Variants in GLCCI1 observed in about 807,000 individuals in gnomAD.
GLCCI1 encodes glucocorticoid-induced transcript 1 protein.
In GLCCI1, 24 loss-of-function variants were observed where a neutral mutation model predicts 52.2. That is an observed-to-expected ratio of 0.46 (90% CI 0.33 to 0.65). The LOEUF (loss-of-function observed/expected upper bound fraction) is 0.65, where lower values mean the gene tolerates loss of function less well. Among genes scored for constraint, GLCCI1 ranks in the 30% least tolerant of loss-of-function variants. GLCCI1 has a pLI of 0.02. For missense variants in GLCCI1, 704 were observed against 701.5 expected, an observed-to-expected ratio of 1.00 and a Z score of -0.04; for synonymous variants, 310 against 276.5, an observed-to-expected ratio of 1.12 and a Z score of -1.20.
chr7:8,017,007 A>G lies in GLCCI1; in HGVS notation c.610-5476A>G, dbSNP rs114931777. 5.9e-3 allele frequency among the ~76,000 whole-genome samples: 903 copies of G among 152,296 alleles called. 5 individuals are homozygous for G. Among genetic ancestry groups the G allele is most frequent in the African/African-American group, 0.021 (852 of 41,558 alleles). On this transcript the variant is annotated intron_variant, in intron 2 of 7. Transcript: ENST00000223145. ...TGAGGGCTGTGAAATTCAATAAACAATTTCTGGTAGGTCAGGATTCATTCA... is the reference window on the plus strand; with the variant it reads ...TGAGGGCTGTGAAATTCAATAAACAGTTTCTGGTAGGTCAGGATTCATTCA...
chr7:8,071,019 G>A lies in GLCCI1; in HGVS notation c.1065G>A (p.Glu355=). ...ACACTCAGACTCCTTCTGTCCAGGA[G>A]CGCAGCAGTAGCTGCAGCAGTCATT... The part of the protein sequence containing the change: ...SIDTQTPSVQ[E]RSSSCSSHSP... The change falls in exon 6 of 8, where the codon GAG becomes GAA. Residue 355 remains glutamate, a synonymous_variant. Coordinates refer to ENST00000223145, the MANE Select transcript of GLCCI1 (RefSeq NM_138426.4). 6.2e-7 allele frequency: 1 copy of A among 1,613,984 alleles called. No homozygotes were observed. The highest frequency in any genetic ancestry group is 8.5e-7 in the Non-Finnish European group (1 of 1,179,880).
intron 6 of GLCCI1, among the ~76,000 whole-genome samples, chr7:8,075,951 CT>C (rs1562451817): frequency 1.3e-5 from 2 of 152,158 alleles, no homozygotes; most frequent in Admixed American, 6.5e-5. Context: ...AGTGTTAGGA[CT>C]GAGCCTCCCT....
At chr7:8,049,444 TA>T (rs1252326720) in intron 3 of GLCCI1, among the ~76,000 whole-genome samples, 1 of 152,178 alleles carries the variant, frequency 6.6e-6, no homozygotes, top group Non-Finnish European at 1.5e-5. Context: ...ATAAACCTTT[TA>T]AAAATACATA....
intron 3 of GLCCI1, among the ~76,000 whole-genome samples, chr7:8,043,377 A>G (rs1782046357): frequency 6.6e-6 from 1 of 151,890 alleles, no homozygotes. Context: ...AGGTTTGACT[A>G]TGTTCCAGTA....
chr7:8,008,032 A>G (rs186719333), intron 2 of GLCCI1, among the ~76,000 whole-genome samples: 2 of 152,298 alleles, frequency 1.3e-5, no homozygotes, highest in East Asian at 3.9e-4. Context: ...CACATTTGAA[A>G]TGATTACATC....
chr7:8,034,177 G>C (rs1781816261), intron 3 of GLCCI1, among the ~76,000 whole-genome samples: 1 of 152,038 alleles, frequency 6.6e-6, no homozygotes, highest in Admixed American at 6.6e-5. Context: ...TCAACAATTG[G>C]TGCTATAATA....
intron 6 of GLCCI1, among the ~76,000 whole-genome samples, chr7:8,083,550 T>G (rs1783040819): frequency 6.6e-6 from 1 of 152,156 alleles, no homozygotes; most frequent in Non-Finnish European, 1.5e-5. Context: ...AATATTAAAC[T>G]TAAGAAAATT....
intron 1 of GLCCI1, chr7:7,981,337 TG>T (rs1209420019): frequency 1.6e-5 from 4 of 247,390 alleles, no homozygotes. Flanking sequence ...TTTCTTTTTT[TG>T]TTGAGATGGA....
chr7:8,025,645 A>G (rs916684866), intron 3 of GLCCI1, among the ~76,000 whole-genome samples: 4 of 152,214 alleles, frequency 2.6e-5, no homozygotes, highest in African/African-American at 9.6e-5. Context: ...TTGATGAAAA[A>G]CAATCTACAG....
At chr7:8,004,352 A>T (rs990171769) in intron 2 of GLCCI1, 1 of 210,774 alleles carries the variant, frequency 4.7e-6, no homozygotes, top group Admixed American at 5.7e-5. Flanking sequence ...ATGACTGGTA[A>T]CCATTTTAGA....
intron 1 of GLCCI1, chr7:7,980,884 G>T (rs1031920706): frequency 1.6e-6 from 1 of 639,492 alleles, no homozygotes; most frequent in Non-Finnish European, 2.9e-6. Context: ...ATTTTAGATG[G>T]TCCATTTTGA....
At chr7:7,979,691 A>T (rs1235282977) in intron 1 of GLCCI1, among the ~76,000 whole-genome samples, 4 of 152,198 alleles carry the variant, frequency 2.6e-5, no homozygotes, top group African/African-American at 9.7e-5. Context: ...GTATTGTTGA[A>T]TGTGGCTTCT....
chr7:8,040,549 C>A (rs1400210778), intron 3 of GLCCI1, among the ~76,000 whole-genome samples: 1 of 151,878 alleles, frequency 6.6e-6, no homozygotes, highest in Non-Finnish European at 1.5e-5. Context: ...CACACACACA[C>A]ACACACACAC....
chr7:7,992,045 T>TTCTC (rs1382627939), intron 1 of GLCCI1, among the ~76,000 whole-genome samples: 7 of 41,262 alleles, frequency 1.7e-4, no homozygotes, highest in African/African-American at 4.8e-4. Context: ...AATTTATTTT[T>TTCTC]TCTTTCTTTC....
chr7:7,983,078 C>G (rs1320739356), intron 1 of GLCCI1, among the ~76,000 whole-genome samples: 2 of 152,092 alleles, frequency 1.3e-5, no homozygotes, highest in Non-Finnish European at 2.9e-5. Context: ...TGCGGATATT[C>G]CTGTTTAATG....
intron 2 of GLCCI1, among the ~76,000 whole-genome samples, chr7:8,015,568 A>G (rs1310217037): frequency 6.6e-6 from 1 of 152,206 alleles, no homozygotes; most frequent in Non-Finnish European, 1.5e-5. Flanking sequence ...TCTCTCAGCC[A>G]TCATCTAATT....
intron 3 of GLCCI1, among the ~76,000 whole-genome samples, chr7:8,048,233 G>T (rs1015371304): frequency 6.6e-6 from 1 of 151,946 alleles, no homozygotes; most frequent in African/African-American, 2.4e-5. Context: ...AGTTATTTCT[G>T]GGTTAGTGTA....
chr7:8,027,435 C>G (rs185872429), intron 3 of GLCCI1, among the ~76,000 whole-genome samples: 14 of 152,110 alleles, frequency 9.2e-5, no homozygotes, highest in Non-Finnish European at 1.8e-4. Flanking sequence ...TTGCAGTGAG[C>G]CAAGATCGCA....
intron 1 of GLCCI1, among the ~76,000 whole-genome samples, chr7:7,972,314 C>A (rs1194255399): frequency 6.6e-6 from 1 of 151,462 alleles, no homozygotes; most frequent in South Asian, 2.1e-4. Context: ...TTTCTGCACA[C>A]TTCAGTGTAT....
Sources: allele counts gnomAD v4.1 joint callset (sites outside exome capture counted in the v4.1 genomes callset), GRCh38; gene constraint gnomAD v4.1.1; transcripts MANE v1.5; gene names NCBI Gene and HGNC (gene_info 2026-07-23, HGNC 2026-07-21).